Variants in GNAQ observed in about 807,000 individuals in gnomAD.
The protein encoded by GNAQ is G protein subunit alpha q.
In GNAQ, 8 loss-of-function variants were observed where a neutral mutation model predicts 43.9. That is an observed-to-expected ratio of 0.18 (90% CI 0.11 to 0.33). GNAQ has a LOEUF of 0.33. GNAQ is among the 10% of genes least tolerant of loss of function. GNAQ has a pLI of 1.00. For synonymous variants in GNAQ, 155 were observed against 170.7 expected (o/e 0.91, Z 0.71); for missense variants, 158 against 450.8 (o/e 0.35, Z 5.88).
intron 1 of GNAQ, among the ~76,000 whole-genome samples, chr9:78,003,745 G>T (rs1022879000): frequency 2.6e-5 from 4 of 151,722 alleles, no homozygotes; most frequent in Admixed American, 6.6e-5. Flanking sequence ...GAACCGGGGA[G>T]GCAGAGGTTG....
chr9:77,936,981 T>C (rs1360530822), intron 1 of GNAQ, among the ~76,000 whole-genome samples: 3 of 152,260 alleles, frequency 2.0e-5, no homozygotes, highest in Admixed American at 2.0e-4. Context: ...CTTTTCCATA[T>C]ATTCTTCTTA....
At chr9:77,853,546 C>G (rs1827704101) in intron 2 of GNAQ, among the ~76,000 whole-genome samples, 1 of 152,064 alleles carries the variant, frequency 6.6e-6, no homozygotes, top group Non-Finnish European at 1.5e-5. Context: ...TGACTAAGAA[C>G]TCGACAGCCT....
At chr9:77,739,488 G>A (rs1825621162) in intron 5 of GNAQ, among the ~76,000 whole-genome samples, 1 of 152,094 alleles carries the variant, frequency 6.6e-6, no homozygotes, top group Non-Finnish European at 1.5e-5. Flanking sequence ...TTTGAATTTT[G>A]AGTGTTTCAA....
At chr9:77,956,068 T>C (rs1251480613) in intron 1 of GNAQ, among the ~76,000 whole-genome samples, 2 of 152,232 alleles carry the variant, frequency 1.3e-5, no homozygotes, top group African/African-American at 2.4e-5. Context: ...ATATTGTCTT[T>C]TTTGTTATGA....
intron 5 of GNAQ, among the ~76,000 whole-genome samples, chr9:77,779,736 G>C (rs1257937077): frequency 8.4e-6 from 1 of 119,686 alleles, no homozygotes; most frequent in African/African-American, 3.2e-5. Context: ...AGAAATCAAA[G>C]AGTGATCACT....
intron 2 of GNAQ, among the ~76,000 whole-genome samples, chr9:77,869,937 T>C (rs921463165): frequency 3.3e-5 from 5 of 152,252 alleles, no homozygotes; most frequent in Non-Finnish European, 7.3e-5. Flanking sequence ...GAAAAATTCA[T>C]AATGTTTATA....
chr9:77,838,574 G>C (rs1827432269), intron 2 of GNAQ, among the ~76,000 whole-genome samples: 1 of 151,626 alleles, frequency 6.6e-6, no homozygotes, highest in Non-Finnish European at 1.5e-5. Context: ...CTCATGATGG[G>C]AAATAGAACC....
chr9:77,851,981 T>C (rs1335729450), intron 2 of GNAQ, among the ~76,000 whole-genome samples: 1 of 152,134 alleles, frequency 6.6e-6, no homozygotes, highest in Non-Finnish European at 1.5e-5. Context: ...AGTGCTTAAG[T>C]AAACAGAGCA....
chr9:77,733,486 A>G (rs1009830568), intron 5 of GNAQ, among the ~76,000 whole-genome samples: 1 of 152,150 alleles, frequency 6.6e-6, no homozygotes, highest in Non-Finnish European at 1.5e-5. Context: ...CCACTGCCAC[A>G]TGACTGCATG....
chr9:78,031,806 G>A lies in GNAQ; in HGVS notation c.-571C>T, dbSNP rs1054939402. 2.0e-5 allele frequency among the ~76,000 whole-genome samples: 3 copies of A among 148,226 alleles called. No homozygotes were observed. Among genetic ancestry groups the A allele is most frequent in the African/African-American group, 7.4e-5 (3 of 40,730 alleles). ...CGCAGACCCGGTTCCCGTCCCGCCCGGCAACCGCGCGCTCCTCCGCCTCCG... is the reference window on the plus strand; with the variant it reads ...CGCAGACCCGGTTCCCGTCCCGCCCAGCAACCGCGCGCTCCTCCGCCTCCG... On this transcript the variant is annotated 5_prime_UTR_variant, in exon 1 of 7. Coordinates refer to ENST00000286548, the MANE Select transcript of GNAQ (RefSeq NM_002072.5).
chr9:77,811,797 G>A (rs1826932141), intron 3 of GNAQ, among the ~76,000 whole-genome samples: 1 of 152,208 alleles, frequency 6.6e-6, no homozygotes, highest in African/African-American at 2.4e-5. Context: ...GGGCACTGAT[G>A]TATAGGTGGT....
chr9:77,849,126 A>T (rs922837097), intron 2 of GNAQ, among the ~76,000 whole-genome samples: 3 of 152,088 alleles, frequency 2.0e-5, no homozygotes, highest in Admixed American at 2.0e-4. Flanking sequence ...ATGAGAACAC[A>T]TGAGTCACAG....
At chr9:77,909,469 A>G (rs1828763019) in intron 2 of GNAQ, among the ~76,000 whole-genome samples, 3 of 152,156 alleles carry the variant, frequency 2.0e-5, no homozygotes, top group African/African-American at 7.2e-5. Flanking sequence ...TCACCACCTC[A>G]CAGGGAGGCC....
intron 1 of GNAQ, among the ~76,000 whole-genome samples, chr9:78,016,216 C>T (rs1823836228): frequency 6.6e-6 from 1 of 152,138 alleles, no homozygotes; most frequent in South Asian, 2.1e-4. Context: ...AAAGCAGAAG[C>T]AATTCTTATA....
At chr9:77,818,793 A>T (rs952108780) in intron 2 of GNAQ, among the ~76,000 whole-genome samples, 1 of 152,092 alleles carries the variant, frequency 6.6e-6, no homozygotes. Context: ...TGAGGCCAGG[A>T]GTTCAAGACC....
chr9:77,812,902 T>C (rs1172810705), intron 3 of GNAQ, among the ~76,000 whole-genome samples: 1 of 151,800 alleles, frequency 6.6e-6, no homozygotes, highest in Non-Finnish European at 1.5e-5. Flanking sequence ...AATTTATTTT[T>C]ATTTTTTATT....
chr9:77,897,219 G>A (rs533694021), intron 2 of GNAQ, among the ~76,000 whole-genome samples: 5 of 152,298 alleles, frequency 3.3e-5, no homozygotes, highest in Non-Finnish European at 7.3e-5. Flanking sequence ...TCAGTTTGCT[G>A]GATCACAGAA....
intron 1 of GNAQ, among the ~76,000 whole-genome samples, chr9:77,967,939 C>T (rs995203633): frequency 2.6e-5 from 4 of 152,082 alleles, no homozygotes; most frequent in Non-Finnish European, 5.9e-5. Flanking sequence ...GAGATCATAC[C>T]ATTGCACTCC....
intron 5 of GNAQ, among the ~76,000 whole-genome samples, chr9:77,751,399 ACT>A (rs1248042624): frequency 6.6e-6 from 1 of 152,204 alleles, no homozygotes; most frequent in African/African-American, 2.4e-5. Context: ...ATTGAAACTA[ACT>A]CTATATACAT....
Sources: allele counts gnomAD v4.1 joint callset (sites outside exome capture counted in the v4.1 genomes callset), GRCh38; gene constraint gnomAD v4.1.1; transcripts MANE v1.5; gene names NCBI Gene and HGNC (gene_info 2026-07-23, HGNC 2026-07-21).